The following DPYD variants were observed in gnomAD, a reference collection of about 807,000 sequenced individuals.
DPYD encodes dihydropyrimidine dehydrogenase [NADP(+)].
DPYD carries 109 observed loss-of-function variants against 116.2 expected under a neutral mutation model. The ratio of observed to expected loss-of-function variants is 0.94; its 90% confidence interval spans 0.80 to 1.10. DPYD has a LOEUF of 1.10. DPYD is among the 50% of genes least tolerant of loss of function. DPYD has a pLI of 0.00. For missense variants in DPYD, 1,302 were observed against 1,254.5 expected, an observed-to-expected ratio of 1.04 and a Z score of -0.57; for synonymous variants, 440 against 432.0, an observed-to-expected ratio of 1.02 and a Z score of -0.23.
intron 16 of DPYD, among the ~76,000 whole-genome samples, chr1:97,370,644 A>G (rs970208127): frequency 1.3e-5 from 2 of 152,186 alleles, no homozygotes; most frequent in African/African-American, 2.4e-5. Flanking sequence ...TGTTTTAACA[A>G]TGCTCTTTAA....
chr1:97,099,346 A>C (rs777691781), intron 20 of DPYD, among the ~76,000 whole-genome samples: 3 of 152,114 alleles, frequency 2.0e-5, no homozygotes, highest in Non-Finnish European at 4.4e-5. Context: ...CGGAGCTTTA[A>C]ATTTCAAGGT....
chr1:97,543,587 G>A (rs1391373918), intron 12 of DPYD, among the ~76,000 whole-genome samples: 2 of 151,948 alleles, frequency 1.3e-5, no homozygotes, highest in African/African-American at 4.8e-5. Context: ...TAAAATATAA[G>A]ACAAAATGTC....
intron 12 of DPYD, among the ~76,000 whole-genome samples, chr1:97,523,831 CAG>C (rs1490797807): frequency 2.6e-5 from 4 of 151,950 alleles, no homozygotes; most frequent in South Asian, 2.1e-4. Flanking sequence ...AAAAGGGAGA[CAG>C]AGGGGGAAAT....
intron 12 of DPYD, among the ~76,000 whole-genome samples, chr1:97,534,123 G>T (rs781496277): frequency 6.6e-6 from 1 of 152,082 alleles, no homozygotes; most frequent in South Asian, 2.1e-4. Flanking sequence ...CATATGGCAG[G>T]CATTTCATTG....
At chr1:97,192,248 G>A (rs1658425938) in intron 20 of DPYD, among the ~76,000 whole-genome samples, 1 of 151,952 alleles carries the variant, frequency 6.6e-6, no homozygotes, top group Non-Finnish European at 1.5e-5. Context: ...AGTACCCAGG[G>A]CTTTTGTTTT....
intron 3 of DPYD, among the ~76,000 whole-genome samples, chr1:97,798,863 T>C (rs1437245093): frequency 1.3e-5 from 2 of 152,018 alleles, no homozygotes; most frequent in African/African-American, 2.4e-5. Context: ...TAAGTATCTA[T>C]GTACCAGATA....
At chr1:97,917,422 T>C (rs904783616) in intron 1 of DPYD, among the ~76,000 whole-genome samples, 5 of 152,220 alleles carry the variant, frequency 3.3e-5, no homozygotes, top group African/African-American at 1.2e-4. Context: ...TCCAAGTCTT[T>C]CCCATTATGC....
intron 16 of DPYD, among the ~76,000 whole-genome samples, chr1:97,338,238 TA>T (rs1202493634): frequency 1.3e-5 from 2 of 152,176 alleles, no homozygotes; most frequent in Admixed American, 6.5e-5. Flanking sequence ...TTGTATACGG[TA>T]AAACCTTTAC....
chr1:97,912,050 C>A (rs983518885), intron 1 of DPYD, among the ~76,000 whole-genome samples: 3 of 152,072 alleles, frequency 2.0e-5, no homozygotes, highest in Non-Finnish European at 4.4e-5. Flanking sequence ...CGTTCTGTTA[C>A]CTAGAATCAG....
At chr1:97,586,461 CATACATATATATATATAT>C (rs1654108551) in intron 10 of DPYD, among the ~76,000 whole-genome samples, 2 of 46,590 alleles carry the variant, frequency 4.3e-5, no homozygotes, top group African/African-American at 1.4e-4. Context: ...AAAATACATA[CATACATATATATATATAT>C]ATATATATAT....
intron 11 of DPYD, among the ~76,000 whole-genome samples, chr1:97,559,084 A>G (rs934863875): frequency 7.2e-5 from 11 of 152,148 alleles, no homozygotes; most frequent in Non-Finnish European, 1.3e-4. Flanking sequence ...TTATAATTCT[A>G]TGCACATTTG....
At chr1:97,191,881 CAG>C (rs1022131908) in intron 20 of DPYD, among the ~76,000 whole-genome samples, 10 of 152,230 alleles carry the variant, frequency 6.6e-5, no homozygotes, top group South Asian at 2.1e-4. Flanking sequence ...CTAAATACTG[CAG>C]AGTCAGTTTA....
intron 3 of DPYD, among the ~76,000 whole-genome samples, chr1:97,753,395 G>A (rs905129130): frequency 2.0e-5 from 3 of 152,072 alleles, no homozygotes; most frequent in Non-Finnish European, 4.4e-5. Context: ...TGACATCAAG[G>A]CTTGTCTCAC....
At chr1:97,319,241 C>G (rs574744274) in intron 16 of DPYD, among the ~76,000 whole-genome samples, 1 of 150,548 alleles carries the variant, frequency 6.6e-6, no homozygotes, top group Non-Finnish European at 1.5e-5. Context: ...CAGAGCACAA[C>G]TGAAGGAAAT....
At chr1:97,249,451 G>GT (rs910526844) in intron 18 of DPYD, among the ~76,000 whole-genome samples, 5 of 152,106 alleles carry the variant, frequency 3.3e-5, no homozygotes, top group African/African-American at 1.2e-4. Context: ...TTCATATACA[G>GT]TTTTTTTAAA....
At chr1:97,770,984 T>A (rs549778730) in intron 3 of DPYD, among the ~76,000 whole-genome samples, 2 of 152,154 alleles carry the variant, frequency 1.3e-5, no homozygotes, top group Non-Finnish European at 2.9e-5. Context: ...GGAAATTAAA[T>A]CAAAATGTAC....
chr1:97,180,270 T>C (rs1174831913), intron 20 of DPYD, among the ~76,000 whole-genome samples: 2 of 152,188 alleles, frequency 1.3e-5, no homozygotes, highest in African/African-American at 4.8e-5. Flanking sequence ...ATGACTCCTT[T>C]GTCTCCTATA....
At chr1:97,296,226 A>C (rs1422136367) in intron 18 of DPYD, 1 of 152,220 alleles carries the variant, frequency 6.6e-6, no homozygotes, top group African/African-American at 2.4e-5. Context: ...AATTCTTGCA[A>C]ATCAGGTAAA....
At chr1:97,245,237 G>A (rs529111301) in intron 18 of DPYD, among the ~76,000 whole-genome samples, 3 of 152,164 alleles carry the variant, frequency 2.0e-5, no homozygotes, top group Admixed American at 6.6e-5. Context: ...GAAAGGCAGG[G>A]CCGTGTGGTT....
Sources: allele counts gnomAD v4.1 joint callset (sites outside exome capture counted in the v4.1 genomes callset), GRCh38; gene constraint gnomAD v4.1.1; transcripts MANE v1.5; gene names NCBI Gene and HGNC (gene_info 2026-07-23, HGNC 2026-07-21).